ARNT2: variants seen among roughly 807,000 people sequenced by gnomAD.
ARNT2 encodes the protein ARNT protein 2.
Under a neutral mutation model 91.7 loss-of-function variants are expected in ARNT2, and 36 were observed. That is an observed-to-expected ratio of 0.39 (90% CI 0.30 to 0.52). The LOEUF (loss-of-function observed/expected upper bound fraction) is 0.52, where lower values mean the gene tolerates loss of function less well. Ranked by LOEUF, ARNT2 falls within the 20% of genes least tolerant of loss-of-function variation. ARNT2 has a pLI of 0.72. For synonymous variants in ARNT2, 365 were observed against 347.1 expected (o/e 1.05, Z -0.57); for missense variants, 775 against 939.3 (o/e 0.83, Z 2.29).
At chr15:80,575,854 G>A (rs1419764521) in intron 14 of ARNT2, among the ~76,000 whole-genome samples, 1 of 152,232 alleles carries the variant, frequency 6.6e-6, no homozygotes, top group Non-Finnish European at 1.5e-5. Flanking sequence ...AGAGTGGGAA[G>A]AGCACTGGGC....
chr15:80,542,509 T>G (rs184147163), intron 8 of ARNT2, among the ~76,000 whole-genome samples: 21 of 152,358 alleles, frequency 1.4e-4, no homozygotes, highest in Admixed American at 8.5e-4. Context: ...CTCCTCAATA[T>G]CTGAGCTGCT....
intron 1 of ARNT2, among the ~76,000 whole-genome samples, chr15:80,450,058 T>C (rs1896363356): frequency 1.3e-5 from 2 of 152,192 alleles, no homozygotes; most frequent in African/African-American, 4.8e-5. Flanking sequence ...TTAGGAGCTC[T>C]CCGTTAAGTA....
chr15:80,475,906 A>G (rs1437810612), intron 5 of ARNT2, among the ~76,000 whole-genome samples: 5 of 152,228 alleles, frequency 3.3e-5, no homozygotes, highest in Non-Finnish European at 7.3e-5. Context: ...GTTTAAATAT[A>G]GTCAATTCTA....
chr15:80,571,631 T>G (rs1898585091), intron 12 of ARNT2, among the ~76,000 whole-genome samples: 1 of 152,084 alleles, frequency 6.6e-6, no homozygotes, highest in South Asian at 2.1e-4. Context: ...GAGTAAAAGG[T>G]ATTAGGCAGC....
chr15:80,563,102 A>G lies in ARNT2; in HGVS notation c.1179A>G (p.Lys393=), dbSNP rs755579298. The change falls in exon 12 of 19, where the codon AAA becomes AAG. Residue 393 remains lysine, a synonymous_variant. Coordinates refer to ENST00000303329, the MANE Select transcript of ARNT2 (RefSeq NM_014862.4). ...RESFQQVVKL[K]GQVLSVMYRF... is the part of the protein sequence containing the mutation. ...TGTTTTCTCAGGTGGTTAAGCTGAA[A>G]GGCCAAGTCCTGTCGGTCATGTATC... 3 of 1,614,180 alleles carry G rather than the reference A, an allele frequency of 1.9e-6. No homozygotes were observed. The South Asian group carries it at 3.3e-5, about 18-fold the overall frequency.
In ARNT2 at chr15:80,523,730, T is replaced by C. The variant is rs903147147; in HGVS notation, c.877+9325T>C. 3.3e-5 allele frequency among the ~76,000 whole-genome samples: 5 copies of C among 152,288 alleles called. No homozygotes were observed. In the East Asian group the frequency reaches 9.6e-4, roughly 29 times the overall value. ...TATGGATGGGAGTGAGAAAGGAGGC[T>C]GAGGCCCAAGGTGCGGACAGGTGAC... On this transcript the variant is annotated intron_variant, in intron 8 of 18. Coordinates refer to ENST00000303329, the MANE Select transcript of ARNT2 (RefSeq NM_014862.4).
chr15:80,562,591 A>T (rs1886963923), intron 11 of ARNT2, among the ~76,000 whole-genome samples: 1 of 152,218 alleles, frequency 6.6e-6, no homozygotes, highest in African/African-American at 2.4e-5. Context: ...TACGTCTCCT[A>T]CCAGAGTCTA....
chr15:80,591,243 G>A lies in ARNT2; in HGVS notation c.1919-325G>A, dbSNP rs575377581. 3.3e-5 allele frequency among the ~76,000 whole-genome samples: 5 copies of A among 152,238 alleles called. No individual in the cohort carries two copies. The highest frequency in any genetic ancestry group is 9.6e-5 in the African/African-American group (4 of 41,522). On this transcript the variant is annotated intron_variant, in intron 17 of 18. Coordinates refer to ENST00000303329, the MANE Select transcript of ARNT2 (RefSeq NM_014862.4). This position sits in a 1 kb window ranked among gnomAD's most constrained non-coding sequence, Gnocchi z 5.1. ...TATGCCCCTTGCCCCCCAGATGCCCGCAGGAGGCCTTTGTGCACAGTCACC... is the reference window on the plus strand; with the variant it reads ...TATGCCCCTTGCCCCCCAGATGCCCACAGGAGGCCTTTGTGCACAGTCACC...
intron 2 of ARNT2, among the ~76,000 whole-genome samples, chr15:80,452,949 A>G (rs551466659): frequency 2.0e-5 from 3 of 152,116 alleles, no homozygotes; most frequent in African/African-American, 7.2e-5. Context: ...TTTTTATTTT[A>G]TTTTTAGAGA....
intron 5 of ARNT2, among the ~76,000 whole-genome samples, chr15:80,491,796 CTTTTTTT>C (rs58958624): frequency 1.5e-5 from 1 of 67,590 alleles, no homozygotes; most frequent in South Asian, 5.2e-4. Context: ...CAGGACAGGC[CTTTTTTT>C]TTTTTTTTTT....
rs1341913301 is a variant in ARNT2 at position 80,505,925 on chromosome 15, TTG to T, written c.623-2229_623-2228del. Among the ~76,000 whole-genome samples the T allele has an allele frequency of 3.7e-5, 4 of 106,838 alleles. No homozygotes were observed. The East Asian group carries it at 7.8e-4, about 21-fold the overall frequency. The allele number at this position is 106,838 out of a possible 152,430, so 70.1% of individuals were successfully genotyped here. The stretch of plus-strand genomic sequence containing the variant: ...AAGAAAAAATGATTCCCAACATTTG[TTG>T]TTTTTTTTTTTTTTTTTTTTGAGAC... On this transcript the variant is annotated intron_variant, in intron 5 of 18. Coordinates refer to ENST00000303329, the MANE Select transcript of ARNT2 (RefSeq NM_014862.4).
chr15:80,522,949 C>T (rs1398482109), intron 8 of ARNT2, among the ~76,000 whole-genome samples: 1 of 152,004 alleles, frequency 6.6e-6, no homozygotes, highest in Non-Finnish European at 1.5e-5. Flanking sequence ...GAAGCAATGC[C>T]TTCCCAGTGT....
intron 8 of ARNT2, among the ~76,000 whole-genome samples, chr15:80,533,763 C>A (rs546100373): frequency 6.6e-6 from 1 of 152,244 alleles, no homozygotes; most frequent in African/African-American, 2.4e-5. Context: ...AATCCCACTG[C>A]TCCTGTGCCA....
At chr15:80,515,450 A>G (rs1359033040) in intron 8 of ARNT2, among the ~76,000 whole-genome samples, 1 of 152,226 alleles carries the variant, frequency 6.6e-6, no homozygotes, top group East Asian at 1.9e-4. Context: ...GACAAATCTT[A>G]AAAATGTCAT....
At chr15:80,426,927 G>A (rs960699569) in intron 1 of ARNT2, among the ~76,000 whole-genome samples, 5 of 152,276 alleles carry the variant, frequency 3.3e-5, no homozygotes, top group South Asian at 2.1e-4. Context: ...AGAGGGAGCA[G>A]GGAAGCGAGC....
intron 12 of ARNT2, 84 bp downstream of exon 12, chr15:80,563,323 C>T: frequency 6.5e-7 from 1 of 1,539,926 alleles, no homozygotes; most frequent in Middle Eastern, 1.7e-4. Flanking sequence ...GGAGTTCTTT[C>T]TCCCTGCCGG....
chr15:80,486,322 G>A (rs1018420976), intron 5 of ARNT2, among the ~76,000 whole-genome samples: 1 of 152,190 alleles, frequency 6.6e-6, no homozygotes, highest in Non-Finnish European at 1.5e-5. Flanking sequence ...TTTTGGGCAG[G>A]GGGTGGTTGG....
At chr15:80,455,147 C>T (rs769381509) in intron 2 of ARNT2, among the ~76,000 whole-genome samples, 20 of 152,138 alleles carry the variant, frequency 1.3e-4, no homozygotes, top group Admixed American at 3.3e-4. Context: ...ATGGTGATAG[C>T]AGTCCAAAGC....
chr15:80,434,110 G>A (rs1025743949), intron 1 of ARNT2: 1 of 152,236 alleles, frequency 6.6e-6, no homozygotes, highest in Non-Finnish European at 1.5e-5. Context: ...TTTTATGGCT[G>A]GCTTTGGGGA....
Sources: allele counts gnomAD v4.1 joint callset (sites outside exome capture counted in the v4.1 genomes callset), GRCh38; gene constraint gnomAD v4.1.1; non-coding constraint Gnocchi (gnomAD v3.1); transcripts MANE v1.5; gene names NCBI Gene and HGNC (gene_info 2026-07-23, HGNC 2026-07-21).